Variants in L3MBTL1 observed in about 807,000 individuals in gnomAD.
The protein encoded by L3MBTL1 is lethal(3)malignant brain tumor-like protein 1.
Under a neutral mutation model 105.3 loss-of-function variants are expected in L3MBTL1, and 75 were observed. The ratio of observed to expected loss-of-function variants is 0.71; its 90% confidence interval spans 0.59 to 0.86. The LOEUF is 0.86. Ranked by LOEUF, L3MBTL1 falls within the 40% of genes least tolerant of loss-of-function variation. The probability of loss-of-function intolerance (pLI) is 0.00; values close to 1 mark genes in which losing one functional copy is unlikely to be tolerated. For missense variants in L3MBTL1, 1,069 were observed against 1,126.4 expected, an observed-to-expected ratio of 0.95 and a Z score of 0.73; for synonymous variants, 452 against 436.2, an observed-to-expected ratio of 1.04 and a Z score of -0.45.
intron 7 of L3MBTL1, 68 bp from the exon 8 acceptor site, chr20:43,528,589 G>A: frequency 8.4e-7 from 1 of 1,188,304 alleles, no homozygotes; most frequent in Admixed American, 1.7e-5. Context: ...AGCTTGGTCA[G>A]GGGAAGCCGA....
At chr20:43,535,801 G>C (rs966995083) in intron 16 of L3MBTL1, 36 bp from the exon 17 acceptor site, 10 of 1,395,482 alleles carry the variant, frequency 7.2e-6, no homozygotes, top group Non-Finnish European at 9.8e-6. Flanking sequence ...CCACCCCCAG[G>C]ACTCCATGAG....
chr20:43,528,571 G>A, intron 7 of L3MBTL1, 86 bp from the exon 8 acceptor site: 1 of 938,638 alleles, frequency 1.1e-6, no homozygotes, highest in South Asian at 1.3e-5. Context: ...TTTTGGGGGT[G>A]AAGGTAGAGC....
chr20:43,516,993 T>C (rs567303624), intron 7 of L3MBTL1, among the ~76,000 whole-genome samples: 1 of 152,086 alleles, frequency 6.6e-6, no homozygotes, highest in African/African-American at 2.4e-5. Context: ...ATGGGGATCT[T>C]ACTTTGTTGC....
chr20:43,510,866 T>C (rs2145365490), intron 1 of L3MBTL1, among the ~76,000 whole-genome samples: 1 of 152,020 alleles, frequency 6.6e-6, no homozygotes, highest in South Asian at 2.1e-4. Context: ...TACAGGCATA[T>C]ACTGCAACAC....
intron 7 of L3MBTL1, among the ~76,000 whole-genome samples, chr20:43,520,895 C>A (rs1247653101): frequency 6.6e-6 from 1 of 152,158 alleles, no homozygotes; most frequent in East Asian, 1.9e-4. Context: ...AGTTTACATG[C>A]AAAATTCTGT....
intron 7 of L3MBTL1, among the ~76,000 whole-genome samples, chr20:43,523,063 C>T (rs749838023): frequency 1.3e-5 from 2 of 151,470 alleles, no homozygotes; most frequent in African/African-American, 2.4e-5. Flanking sequence ...AGCCGAGATC[C>T]GCCACTGCAC....
chr20:43,509,217 T>TTCCTC, intron 1 of L3MBTL1, among the ~76,000 whole-genome samples: 1 of 152,110 alleles, frequency 6.6e-6, no homozygotes. Context: ...CCTTCCTTCC[T>TTCCTC]TCCTCCCCTC....
chr20:43,532,530 C>CT, intron 11 of L3MBTL1: 1 of 456,834 alleles, frequency 2.2e-6, no homozygotes. Flanking sequence ...CTTCCAGGCA[C>CT]TTACCTTCTG....
At chr20:43,526,259 A>C (rs2019026815) in intron 7 of L3MBTL1, among the ~76,000 whole-genome samples, 1 of 152,140 alleles carries the variant, frequency 6.6e-6, no homozygotes, top group Non-Finnish European at 1.5e-5. Flanking sequence ...TCATCCAGGG[A>C]GGAAGAAATG....
At chr20:43,509,132 G>A (rs2018065680) in intron 1 of L3MBTL1, among the ~76,000 whole-genome samples, 2 of 152,158 alleles carry the variant, frequency 1.3e-5, no homozygotes, top group African/African-American at 4.8e-5. Flanking sequence ...AAATGTGGGT[G>A]TGCTCCAAAG....
chr20:43,536,633 T>C (rs2019647697), intron 19 of L3MBTL1, among the ~76,000 whole-genome samples, 175 bp downstream of exon 19: 2 of 152,142 alleles, frequency 1.3e-5, no homozygotes. Context: ...TGGAGGGGCC[T>C]TGAGTGACCT....
chr20:43,534,337 G>C lies in L3MBTL1; in HGVS notation c.1653G>C (p.Arg551Ser). The change falls in exon 15 of 22, where the codon AGG (arginine) becomes AGC (serine). Residue 551 changes from arginine (R) to serine (S), a missense_variant. Transcript: ENST00000418998. Reference sequence around the variant, plus strand: ...TGAAGCTGGAGGCTGTGGACCGCAGGAACCCAGCCCTGATTCGCGTGGCCA... The same window carrying C: ...TGAAGCTGGAGGCTGTGGACCGCAGCAACCCAGCCCTGATTCGCGTGGCCA... ...VNMKLEAVDR[R>S]NPALIRVASV... The C allele has an allele frequency of 6.2e-7, 1 of 1,614,124 alleles. No homozygotes were observed. The highest frequency in any genetic ancestry group is 8.5e-7 in the Non-Finnish European group (1 of 1,180,014).
At chr20:43,523,374 G>A (rs1054593713) in intron 7 of L3MBTL1, 43 of 219,766 alleles carry the variant, frequency 2.0e-4, no homozygotes, top group Non-Finnish European at 3.8e-4. Flanking sequence ...GCCAGCCAAG[G>A]TCTCAGACGT....
At chr20:43,530,529 G>C in intron 10 of L3MBTL1, 110 bp downstream of exon 10, 1 of 1,264,346 alleles carries the variant, frequency 7.9e-7, no homozygotes, top group Non-Finnish European at 1.1e-6. Flanking sequence ...CCTGTACCCT[G>C]TTCCAAAGCC....
At chr20:43,526,930 G>C (rs570732016) in intron 7 of L3MBTL1, among the ~76,000 whole-genome samples, 1 of 152,330 alleles carries the variant, frequency 6.6e-6, no homozygotes, top group African/African-American at 2.4e-5. Flanking sequence ...CTGGGCGACA[G>C]AGTGAGACTC....
At chr20:43,529,082 AG>A in intron 8 of L3MBTL1, 181 bp from the exon 9 acceptor site, 1 of 611,006 alleles carries the variant, frequency 1.6e-6, no homozygotes, top group Non-Finnish European at 2.9e-6. Flanking sequence ...ACATTTTTCA[AG>A]GGACCTGGGA....
At chr20:43,531,079 G>T in intron 11 of L3MBTL1, 190 bp downstream of exon 11, 1 of 583,556 alleles carries the variant, frequency 1.7e-6, no homozygotes. Context: ...GCTGGTTATA[G>T]GTTTTTCCCG....
intron 16 of L3MBTL1, among the ~76,000 whole-genome samples, 174 bp from the exon 17 acceptor site, chr20:43,535,663 C>G (rs2019565827): frequency 6.6e-6 from 1 of 152,142 alleles, no homozygotes; most frequent in Non-Finnish European, 1.5e-5. Flanking sequence ...CCCTCCTTAC[C>G]CAGAGAGGGG....
chr20:43,532,605 T>A (rs1168217122), intron 11 of L3MBTL1, 168 bp from the exon 12 acceptor site: 3 of 688,526 alleles, frequency 4.4e-6, no homozygotes, highest in Non-Finnish European at 2.4e-6. Flanking sequence ...AGGGCTCAGG[T>A]TATGATTCTG....
Sources: allele counts gnomAD v4.1 joint callset (sites outside exome capture counted in the v4.1 genomes callset), GRCh38; gene constraint gnomAD v4.1.1; transcripts MANE v1.5; gene names NCBI Gene and HGNC (gene_info 2026-07-23, HGNC 2026-07-21).